TNRC6A: variants seen among roughly 807,000 people sequenced by gnomAD.
TNRC6A encodes the protein trinucleotide repeat-containing gene 6A protein.
Under a neutral mutation model 221.2 loss-of-function variants are expected in TNRC6A, and 44 were observed. That is an observed-to-expected ratio of 0.20 (90% CI 0.16 to 0.26). The LOEUF (loss-of-function observed/expected upper bound fraction) is 0.26. Among genes scored for constraint, TNRC6A ranks in the 10% least tolerant of loss-of-function variants. The pLI is 1.00. For missense variants in TNRC6A, 2,199 were observed against 2,404.4 expected, an observed-to-expected ratio of 0.91 and a Z score of 1.79; for synonymous variants, 847 against 838.5, an observed-to-expected ratio of 1.01 and a Z score of -0.18.
At chr16:24,659,234 C>T (rs1286081492) in intron 2 of TNRC6A, among the ~76,000 whole-genome samples, 4 of 151,992 alleles carry the variant, frequency 2.6e-5, no homozygotes, top group Non-Finnish European at 5.9e-5. Flanking sequence ...CTTTCTTTGT[C>T]CTTCTCTACT....
In TNRC6A at chr16:24,626,689, G is replaced by T. The variant is rs374181145; in HGVS notation, n.277-14195G>T. 5.0e-4 allele frequency among the ~76,000 whole-genome samples: 67 copies of T among 134,100 alleles called. No homozygotes were observed. The South Asian group carries it at 0.013, about 26-fold the overall frequency. The allele number at this position is 134,100 out of a possible 152,430, so 88.0% of individuals were successfully genotyped here. Reference sequence around the variant, plus strand: ...TTTTGAGACGGAGTCTCACTGTGTCGCCCAGGCTGGAATGCAGTGGCACTA... The same window carrying T: ...TTTTGAGACGGAGTCTCACTGTGTCTCCCAGGCTGGAATGCAGTGGCACTA... On this transcript the variant is annotated intron_variant and non_coding_transcript_variant, in intron 1 of 2. Transcript: ENST00000566108.
chr16:24,790,735 T>C lies in TNRC6A; in HGVS notation c.2093T>C (p.Ile698Thr), dbSNP rs756483111. Residue 698 changes from isoleucine to threonine, a missense_variant, in exon 6 of 25, where the codon ATT (isoleucine) becomes ACT (threonine). This residue lies in a region of TNRC6A where 1,405 missense variants were observed against 1,400.2 expected (regional missense o/e 1.00). Coordinates refer to ENST00000395799, the MANE Select transcript of TNRC6A (RefSeq NM_014494.4). Reference sequence around the variant, plus strand: ...AGTCAGAGTAGAGACAGAAGAAAAATTGATCAGCACACATTACTCCAAAGC... The same window carrying C: ...AGTCAGAGTAGAGACAGAAGAAAAACTGATCAGCACACATTACTCCAAAGC... Reference protein sequence around the residue: ...GESQSRDRRKIDQHTLLQSIV... With the variant: ...GESQSRDRRKTDQHTLLQSIV... 5 of 1,613,806 alleles carry C rather than the reference T, an allele frequency of 3.1e-6. No homozygotes were observed. The highest frequency in any genetic ancestry group is 2.2e-5 in the East Asian group (1 of 44,872).
chr16:24,653,524 C>T (rs755762524), intron 2 of TNRC6A, among the ~76,000 whole-genome samples: 91 of 152,154 alleles, frequency 6.0e-4, no homozygotes, highest in Admixed American at 9.8e-4. Flanking sequence ...GCCTGTAATC[C>T]CAGCACTTTG....
At position 24,770,760 on chromosome 16, in the gene TNRC6A, A is replaced by C. The variant is rs139678363; in HGVS notation, c.164-6173A>C. On this transcript the variant is annotated intron_variant, in intron 4 of 24. Coordinates refer to ENST00000395799, the MANE Select transcript of TNRC6A (RefSeq NM_014494.4). Reference sequence around the variant, plus strand: ...CACCTGTATGTTGAATCTTAAATCCATATTTTTAATCCAAACTTTTTTGAA... The same window carrying C: ...CACCTGTATGTTGAATCTTAAATCCCTATTTTTAATCCAAACTTTTTTGAA... Among the ~76,000 whole-genome samples the C allele has an allele frequency of 2.8e-3, 423 of 152,248 alleles. 1 individual carries two copies. Among genetic ancestry groups the C allele is most frequent in the African/African-American group, 9.8e-3 (407 of 41,540 alleles).
intron 2 of TNRC6A, among the ~76,000 whole-genome samples, chr16:24,692,598 G>A (rs867570239): frequency 1.3e-5 from 2 of 150,476 alleles, no homozygotes; most frequent in South Asian, 4.3e-4. Context: ...AAATAAAATA[G>A]AGGGGATAAA....
At chr16:24,627,210 T>C (rs1172490689) in intron 1 of TNRC6A, among the ~76,000 whole-genome samples, 1 of 152,128 alleles carries the variant, frequency 6.6e-6, no homozygotes, top group African/African-American at 2.4e-5. Flanking sequence ...CATGTGGCTG[T>C]GACCTGGAGC....
intron 2 of TNRC6A, among the ~76,000 whole-genome samples, chr16:24,678,793 A>G (rs2055471243): frequency 6.6e-6 from 1 of 152,150 alleles, no homozygotes; most frequent in South Asian, 2.1e-4. Flanking sequence ...GTGAGATAAT[A>G]TTTGTCGTTT....
At chr16:24,614,355 G>C (rs1900231761) in intron 1 of TNRC6A, among the ~76,000 whole-genome samples, 1 of 152,206 alleles carries the variant, frequency 6.6e-6, no homozygotes, top group Non-Finnish European at 1.5e-5. Context: ...TTGGGTGGAG[G>C]TACAAAATAT....
chr16:24,701,090 G>A (rs1294857143), intron 2 of TNRC6A, among the ~76,000 whole-genome samples: 1 of 152,226 alleles, frequency 6.6e-6, no homozygotes, highest in East Asian at 1.9e-4. Flanking sequence ...GGTGCCAAAA[G>A]GCAGTTAAGT....
chr16:24,666,226 T>C (rs1226297559), intron 2 of TNRC6A, among the ~76,000 whole-genome samples: 1 of 151,918 alleles, frequency 6.6e-6, no homozygotes, highest in Non-Finnish European at 1.5e-5. Flanking sequence ...CCCAGTACTT[T>C]GGGAGGCCAA....
chr16:24,771,582 T>TTGTTATGTTATGTTA (rs10625690), intron 4 of TNRC6A, among the ~76,000 whole-genome samples: 2,758 of 95,206 alleles, frequency 0.029, 107 homozygotes, highest in African/African-American at 0.062. Context: ...TTATGTTATG[T>TTGTTATGTTATGTTA]TGTTATGTTA....
At chr16:24,624,919 T>C (rs1900877703) in intron 1 of TNRC6A, among the ~76,000 whole-genome samples, 1 of 152,218 alleles carries the variant, frequency 6.6e-6, no homozygotes, top group African/African-American at 2.4e-5. Context: ...TGATGTGTGC[T>C]AAAACTGTTT....
intron 2 of TNRC6A, among the ~76,000 whole-genome samples, chr16:24,694,648 T>C (rs2142157095): frequency 1.2e-5 from 1 of 82,316 alleles, no homozygotes; most frequent in Non-Finnish European, 2.2e-5. Flanking sequence ...AGCAAGACTC[T>C]GTCTCAAAAA....
chr16:24,820,029 T>G, intron 21 of TNRC6A, 110 bp from the exon 22 acceptor site: 1 of 1,029,968 alleles, frequency 9.7e-7, no homozygotes, highest in South Asian at 1.6e-5. Flanking sequence ...TTTTAAAGTT[T>G]CTTTTGTTTG....
chr16:24,706,454 A>G (rs2056094296), intron 2 of TNRC6A, among the ~76,000 whole-genome samples: 1 of 152,040 alleles, frequency 6.6e-6, no homozygotes, highest in African/African-American at 2.4e-5. Context: ...GCTCACGCCT[A>G]TAATCCCAGC....
chr16:24,813,228 A>G (rs986962321), intron 18 of TNRC6A, among the ~76,000 whole-genome samples: 5 of 152,150 alleles, frequency 3.3e-5, no homozygotes, highest in Non-Finnish European at 7.3e-5. Flanking sequence ...ATACAGGTAT[A>G]TTGCATACTG....
chr16:24,668,215 C>G (rs557435495), intron 2 of TNRC6A, among the ~76,000 whole-genome samples: 1 of 151,988 alleles, frequency 6.6e-6, no homozygotes, highest in South Asian at 2.1e-4. Context: ...GTAATCCCAG[C>G]TACTTGAGAG....
At chr16:24,642,922 T>TA (rs1004441818) in intron 2 of TNRC6A, among the ~76,000 whole-genome samples, 1 of 150,642 alleles carries the variant, frequency 6.6e-6, no homozygotes, top group African/African-American at 2.4e-5. Flanking sequence ...TGTGTGTCTG[T>TA]AATCCCAGCT....
At chr16:24,696,768 AGGG>A (rs1170413714) in intron 2 of TNRC6A, among the ~76,000 whole-genome samples, 1 of 95,158 alleles carries the variant, frequency 1.1e-5, no homozygotes, top group African/African-American at 3.9e-5. Context: ...AAGGAAGGGA[AGGG>A]AAAGGGGAGG....
Sources: allele counts gnomAD v4.1 joint callset (sites outside exome capture counted in the v4.1 genomes callset), GRCh38; gene constraint gnomAD v4.1.1; regional missense constraint gnomAD v4.1.1; transcripts MANE v1.5; gene names NCBI Gene and HGNC (gene_info 2026-07-23, HGNC 2026-07-21).